The following SLC36A1 variants were observed in gnomAD, a reference collection of about 807,000 sequenced individuals.
SLC36A1 encodes the protein proton-coupled amino acid transporter 1.
Under a neutral mutation model 47.5 loss-of-function variants are expected in SLC36A1, and 30 were observed. That is an observed-to-expected ratio of 0.63 (90% CI 0.47 to 0.86). The LOEUF (loss-of-function observed/expected upper bound fraction) is 0.86. Ranked by LOEUF, SLC36A1 falls within the 40% of genes least tolerant of loss-of-function variation. The pLI, the probability that SLC36A1 is intolerant of heterozygous loss-of-function variation, is 0.00. For missense variants in SLC36A1, 517 were observed against 606.0 expected (o/e 0.85, Z 1.54); for synonymous variants, 255 against 249.7 (o/e 1.02, Z -0.20).
the SLC36A1 span, chr5:151,531,615 T>G: frequency 1.2e-6 from 2 of 1,613,026 alleles, no homozygotes; most frequent in South Asian, 1.1e-5. This position sits in a 1 kb window ranked among gnomAD's most constrained non-coding sequence, Gnocchi z 5.7. Flanking sequence ...GGAACCTGCC[T>G]TGCTCGTTCC....
the SLC36A1 span, among the ~76,000 whole-genome samples, chr5:151,402,611 C>G: frequency 7.4e-3 from 1,127 of 152,224 alleles, 19 homozygotes; most frequent in African/African-American, 0.026. Context: ...GTAAATCCAT[C>G]TGGTCTAGGG....
At chr5:151,409,345 G>A in the SLC36A1 span, among the ~76,000 whole-genome samples, 3 of 152,116 alleles carry the variant, frequency 2.0e-5, no homozygotes, top group Non-Finnish European at 2.9e-5. Flanking sequence ...AGGCAGGAGG[G>A]CCCTCAGGAG....
the SLC36A1 span, among the ~76,000 whole-genome samples, chr5:151,552,087 G>C: frequency 6.6e-6 from 1 of 150,660 alleles, no homozygotes; most frequent in Non-Finnish European, 1.5e-5. Context: ...TGGAACTTTA[G>C]GTGATTTTTA....
At chr5:151,416,996 G>A in the SLC36A1 span, among the ~76,000 whole-genome samples, 1 of 152,176 alleles carries the variant, frequency 6.6e-6, no homozygotes, top group Non-Finnish European at 1.5e-5. Context: ...AAGGTGCCTT[G>A]CTTCCTCTTT....
chr5:151,532,895 G>A, the SLC36A1 span, among the ~76,000 whole-genome samples: 11 of 152,194 alleles, frequency 7.2e-5, no homozygotes, highest in African/African-American at 2.4e-4. Context: ...AGTAGCCTCT[G>A]AGAAGAGTTG....
At chr5:151,404,917 T>C in the SLC36A1 span, among the ~76,000 whole-genome samples, 1 of 152,232 alleles carries the variant, frequency 6.6e-6, no homozygotes, top group Non-Finnish European at 1.5e-5. Flanking sequence ...TCTGAATTTC[T>C]TGCATTTGCA....
the SLC36A1 span, among the ~76,000 whole-genome samples, chr5:151,538,350 G>A: frequency 6.6e-6 from 1 of 152,172 alleles, no homozygotes; most frequent in East Asian, 1.9e-4. Flanking sequence ...TAGGCATTCT[G>A]GAAGGTGTCA....
the SLC36A1 span, among the ~76,000 whole-genome samples, chr5:151,554,031 G>A: frequency 6.6e-6 from 1 of 152,188 alleles, no homozygotes; most frequent in African/African-American, 2.4e-5. Flanking sequence ...AAGGTTAAAC[G>A]ACTTGTCCAA....
At chr5:151,505,705 G>A in the SLC36A1 span, 16 of 1,613,862 alleles carry the variant, frequency 9.9e-6, no homozygotes, top group African/African-American at 9.3e-5. Context: ...GGCCCAGCTC[G>A]GCTGAGGCGC....
At chr5:151,545,956 G>C in the SLC36A1 span, 4 of 1,614,104 alleles carry the variant, frequency 2.5e-6, no homozygotes, top group Non-Finnish European at 3.4e-6. Flanking sequence ...CTGGTAAGAC[G>C]AGATTTTCTC....
At chr5:151,550,714 A>G in the SLC36A1 span, 3 of 1,614,112 alleles carry the variant, frequency 1.9e-6, no homozygotes, top group African/African-American at 2.7e-5. Flanking sequence ...GCTGCCATGT[A>G]TGGTATAGAT....
the SLC36A1 span, among the ~76,000 whole-genome samples, chr5:151,356,196 G>A: frequency 3.3e-5 from 5 of 151,512 alleles, no homozygotes; most frequent in African/African-American, 1.2e-4. Context: ...AAAACTGGCT[G>A]GGCATGGTGG....
chr5:151,408,346 G>A, the SLC36A1 span, among the ~76,000 whole-genome samples: 3 of 152,102 alleles, frequency 2.0e-5, no homozygotes, highest in Admixed American at 6.5e-5. Flanking sequence ...ACACCACCAC[G>A]CCTGGCTAAT....
the SLC36A1 span, among the ~76,000 whole-genome samples, chr5:151,414,958 G>A: frequency 3.4e-4 from 52 of 151,726 alleles, no homozygotes; most frequent in Admixed American, 7.9e-4. Context: ...GGAATACCCT[G>A]GCAGGCTCAT....
At chr5:151,523,585 T>C in the SLC36A1 span, among the ~76,000 whole-genome samples, 2 of 152,184 alleles carry the variant, frequency 1.3e-5, no homozygotes, top group Non-Finnish European at 2.9e-5. Flanking sequence ...ACCAATGCAA[T>C]TGATGGTGAT....
chr5:151,455,560 G>C (rs1168863500), intron 1 of SLC36A1, among the ~76,000 whole-genome samples: 1 of 152,172 alleles, frequency 6.6e-6, no homozygotes, highest in Non-Finnish European at 1.5e-5. Context: ...AGACAACAGA[G>C]AGGTTTCTCG....
intron 10 of SLC36A1, among the ~76,000 whole-genome samples, chr5:151,485,151 A>G (rs1759352744): frequency 6.6e-6 from 1 of 152,238 alleles, no homozygotes; most frequent in Admixed American, 6.5e-5. Flanking sequence ...AACTCTATTT[A>G]GAAGCAGCTA....
chr5:151,458,332 A>ATATACATACAC (rs1561738077), intron 1 of SLC36A1, among the ~76,000 whole-genome samples: 1 of 108,372 alleles, frequency 9.2e-6, no homozygotes, highest in African/African-American at 3.3e-5. Context: ...ATATATATAT[A>ATATACATACAC]TGGGATATTT....
chr5:151,441,660 G>A (rs1179661338), intron 1 of SLC36A1, among the ~76,000 whole-genome samples: 1 of 152,054 alleles, frequency 6.6e-6, no homozygotes, highest in Non-Finnish European at 1.5e-5. Context: ...CTTTGGAGAG[G>A]GGAGTGAATT....
Sources: allele counts gnomAD v4.1 joint callset (sites outside exome capture counted in the v4.1 genomes callset), GRCh38; gene constraint gnomAD v4.1.1; non-coding constraint Gnocchi (gnomAD v3.1); transcripts MANE v1.5; gene names NCBI Gene and HGNC (gene_info 2026-07-23, HGNC 2026-07-21).